The following API5 variants were observed in gnomAD, a reference collection of about 807,000 sequenced individuals.
API5 encodes the protein apoptosis inhibitor 5.
A neutral mutation model predicts 71.9 loss-of-function variants in API5; 6 were observed. The observed-to-expected ratio is 0.08, with a 90% confidence interval of 0.05 to 0.16. The LOEUF (loss-of-function observed/expected upper bound fraction) is 0.16, where lower values mean the gene tolerates loss of function less well. API5 is among the 10% of genes least tolerant of loss of function. The pLI, the probability that API5 is intolerant of heterozygous loss-of-function variation, is 1.00. For synonymous variants in API5, 189 were observed against 221.3 expected (o/e 0.85, Z 1.30); for missense variants, 332 against 612.8 (o/e 0.54, Z 4.84).
intron 6 of API5, among the ~76,000 whole-genome samples, chr11:43,326,131 C>G (rs1565105811): frequency 6.6e-6 from 1 of 152,084 alleles, no homozygotes. Flanking sequence ...TTAAAGGGCA[C>G]CCACATTTCT....
At chr11:43,324,491 T>G (rs948065978) in intron 6 of API5, among the ~76,000 whole-genome samples, 1 of 152,080 alleles carries the variant, frequency 6.6e-6, no homozygotes, top group African/African-American at 2.4e-5. Context: ...GGCCCGTCCC[T>G]GTAATCCCAA....
chr11:43,329,617 A>G (rs1456854002), intron 9 of API5, among the ~76,000 whole-genome samples: 1 of 152,200 alleles, frequency 6.6e-6, no homozygotes, highest in Admixed American at 6.5e-5. Flanking sequence ...AGCTGTTGTT[A>G]TTAATAATAC....
chr11:43,340,664 G>A (rs1180527193), intron 13 of API5, among the ~76,000 whole-genome samples: 2 of 151,372 alleles, frequency 1.3e-5, no homozygotes, highest in African/African-American at 4.8e-5. Flanking sequence ...AAGGTGGCAA[G>A]AATACTCATT....
At chr11:43,318,934 C>A in intron 2 of API5, 133 bp downstream of exon 2, 1 of 835,606 alleles carries the variant, frequency 1.2e-6, no homozygotes, top group Non-Finnish European at 1.8e-6. Context: ...GGCATCACAC[C>A]CAGGCTTAAA....
chr11:43,323,867 G>GT (rs1185517550), intron 6 of API5, among the ~76,000 whole-genome samples: 1 of 152,254 alleles, frequency 6.6e-6, no homozygotes, highest in South Asian at 2.1e-4. Context: ...TGAGCGTGAT[G>GT]TTTGAGCATC....
At chr11:43,334,482 A>G (rs951191334) in intron 11 of API5, among the ~76,000 whole-genome samples, 1 of 152,148 alleles carries the variant, frequency 6.6e-6, no homozygotes, top group Non-Finnish European at 1.5e-5. Context: ...AAGTTTATAT[A>G]CCAGGGACGA....
chr11:43,337,312 C>G (rs1019955226), intron 13 of API5, among the ~76,000 whole-genome samples: 1 of 152,084 alleles, frequency 6.6e-6, no homozygotes, highest in Non-Finnish European at 1.5e-5. Context: ...GGTGACCAAG[C>G]AAGACCCTGT....
intron 11 of API5, among the ~76,000 whole-genome samples, chr11:43,333,939 T>C (rs748070387): frequency 2.6e-5 from 4 of 152,220 alleles, no homozygotes; most frequent in Admixed American, 6.5e-5. Context: ...CATCACTTCA[T>C]TCTCGAGGAT....
Position 43,318,729 on chromosome 11 carries a change from T to G in API5, c.159T>G (p.Phe53Leu). Residue 53 changes from phenylalanine to leucine, a missense_variant, in exon 2 of 14, where the codon TTT (phenylalanine) becomes TTG (leucine). Phe to Leu is a conservative substitution (Grantham distance 22). This residue lies in a region of API5 where 127 missense variants were observed against 237.6 expected (regional missense o/e 0.53). Transcript: ENST00000531273. ...RLAAQFIPKF[F>L]KHFPELADSA... ...CAGCTCAATTTATTCCGAAATTCTT[T>G]AAGCATTTTCCAGAATTGGCTGATT... is the stretch of plus-strand genomic sequence containing the variant. The G allele has an allele frequency of 6.2e-6, 10 of 1,613,926 alleles. No individual in the cohort carries two copies. Among genetic ancestry groups the G allele is most frequent in the Non-Finnish European group, 8.5e-6 (10 of 1,179,990 alleles).
chr11:43,341,467 T>G (rs983988203), intron 13 of API5, among the ~76,000 whole-genome samples: 3 of 152,200 alleles, frequency 2.0e-5, no homozygotes. Flanking sequence ...GACTTTATAG[T>G]AGGTGAAATA....
At chr11:43,333,396 A>G (rs1182510244) in intron 11 of API5, among the ~76,000 whole-genome samples, 1 of 152,198 alleles carries the variant, frequency 6.6e-6, no homozygotes, top group Non-Finnish European at 1.5e-5. Context: ...ACACCAAAGA[A>G]TGCTGGTCAG....
intron 11 of API5, among the ~76,000 whole-genome samples, chr11:43,333,811 A>G (rs973914392): frequency 3.3e-5 from 5 of 152,300 alleles, no homozygotes; most frequent in African/African-American, 2.4e-5. Context: ...GGCAACGGTC[A>G]TGCATCAGAG....
chr11:43,330,581 A>G lies in API5; in HGVS notation c.1278+17A>G. The G allele has an allele frequency of 1.3e-6, 2 of 1,536,128 alleles. No homozygotes were observed. The highest frequency in any genetic ancestry group is 1.8e-6 in the Non-Finnish European group (2 of 1,114,184). ...TTAATCAAGGTAAGTCTGTAATACC[A>G]AGTGACATTTCTGCAGTTACCATAA... On this transcript the variant is annotated intron_variant, in intron 11 of 13. Transcript: ENST00000531273.
chr11:43,335,537 A>G (rs775222588), intron 12 of API5, among the ~76,000 whole-genome samples, 183 bp downstream of exon 12: 4 of 152,198 alleles, frequency 2.6e-5, no homozygotes, highest in Non-Finnish European at 5.9e-5. Flanking sequence ...GTGGGAGGCA[A>G]CGCTGGAACT....
At chr11:43,321,943 C>G in intron 4 of API5, 42 bp from the exon 5 acceptor site, 2 of 1,577,052 alleles carry the variant, frequency 1.3e-6, no homozygotes, top group East Asian at 2.2e-5. Context: ...CACCATTACA[C>G]TATAGAATTG....
chr11:43,329,718 C>CAATTTTGTTAAATTGAATTTT (rs1855190838), intron 9 of API5, among the ~76,000 whole-genome samples: 3 of 152,152 alleles, frequency 2.0e-5, no homozygotes, highest in African/African-American at 7.2e-5. Context: ...TTAACAAATT[C>CAATTTTGTTAAATTGAATTTT]ACATTTTAAA....
intron 1 of API5, 116 bp downstream of exon 1, chr11:43,312,312 C>G (rs1222788780): frequency 8.9e-7 from 1 of 1,120,812 alleles, no homozygotes; most frequent in Non-Finnish European, 1.3e-6. Flanking sequence ...CCCGGGGCCT[C>G]CTAGCCTCCT....
intron 1 of API5, among the ~76,000 whole-genome samples, chr11:43,312,740 G>T (rs146343869): frequency 6.6e-6 from 1 of 152,128 alleles, no homozygotes; most frequent in Non-Finnish European, 1.5e-5. Context: ...TTTGAGTGCC[G>T]AGCGCTGGAG....
intron 5 of API5, among the ~76,000 whole-genome samples, chr11:43,322,465 C>T (rs1854927249): frequency 1.3e-5 from 2 of 152,148 alleles, no homozygotes; most frequent in South Asian, 4.1e-4. Context: ...TTAGGATACT[C>T]TCTCATAGTA....
Sources: gnomAD v4.1 joint callset for allele counts (sites outside exome capture counted in the v4.1 genomes callset) on GRCh38, gnomAD v4.1.1 for gene constraint, gnomAD v4.1.1 regional missense constraint, MANE v1.5 for transcripts, NCBI Gene and HGNC (gene_info 2026-07-23, HGNC 2026-07-21) for gene names.